The following CEP89 variants were observed in gnomAD, a reference collection of about 807,000 sequenced individuals.
CEP89 encodes the protein centrosomal protein 89.
Under a neutral mutation model 97.6 loss-of-function variants are expected in CEP89, and 95 were observed. That is an observed-to-expected ratio of 0.97 (90% CI 0.82 to 1.15). CEP89 has a LOEUF of 1.15. Among genes scored for constraint, CEP89 ranks in the 50% most tolerant of loss-of-function variants. The pLI is 0.00. For synonymous variants in CEP89, 354 were observed against 349.1 expected (o/e 1.01, Z -0.16); for missense variants, 869 against 947.7 (o/e 0.92, Z 1.09).
At position 32,936,272 on chromosome 19, in the gene CEP89, C is replaced by T. The variant is rs1448482110; in HGVS notation, c.667+1359G>A. Among the ~76,000 whole-genome samples, 3 of 152,150 alleles carry T rather than the reference C, an allele frequency of 2.0e-5. No homozygotes were observed. The highest frequency in any genetic ancestry group is 6.5e-5 in the Admixed American group (1 of 15,278). On this transcript the variant is annotated intron_variant, in intron 7 of 18. Coordinates refer to ENST00000305768, the MANE Select transcript of CEP89 (RefSeq NM_032816.5). The surrounding 1 kb of genome is among the most constrained non-coding windows in gnomAD (Gnocchi z 4.5). ...ACTCAGGGCAGTACTGACACGACAG[C>T]GCCCTGCCGCCTCAGCCCCCTCCAG...
chr19:32,900,039 G>A, intron 15 of CEP89, 41 bp from the exon 16 acceptor site: 1 of 1,593,266 alleles, frequency 6.3e-7, no homozygotes, highest in Non-Finnish European at 8.6e-7. Context: ...AAGCCCATTA[G>A]TTTACATGGC....
intron 14 of CEP89, among the ~76,000 whole-genome samples, chr19:32,906,050 G>C (rs1378477761): frequency 6.6e-6 from 1 of 152,194 alleles, no homozygotes; most frequent in Non-Finnish European, 1.5e-5. Context: ...TACTTGAGTA[G>C]TACTGCTTTT....
chr19:32,933,457 G>A lies in CEP89; in HGVS notation c.880C>T (p.Gln294Ter), dbSNP rs1426694418. Reference sequence around the variant, plus strand: ...GCACTCTGTCTGTCCCCACCTTCCTGTGACGACGCCTTCTCAGCCTCTTTG... The same window carrying A: ...GCACTCTGTCTGTCCCCACCTTCCTATGACGACGCCTTCTCAGCCTCTTTG... The part of the protein sequence containing the change: ...KLKEAEKASS[Q>*]EVAAPELLYL... Residue 294 changes from glutamine to a stop codon, truncating the protein, a stop_gained, in exon 8 of 19, where the codon CAG becomes TAG. Transcript: ENST00000305768. LOFTEE classifies it high-confidence loss of function. 7 of 1,612,922 alleles carry A rather than the reference G, an allele frequency of 4.3e-6. No individual in the cohort carries two copies. The highest frequency in any genetic ancestry group is 5.1e-6 in the Non-Finnish European group (6 of 1,179,472).
intron 10 of CEP89, 70 bp from the exon 11 acceptor site, chr19:32,926,343 G>A (rs1482479360): frequency 9.3e-7 from 1 of 1,075,746 alleles, no homozygotes; most frequent in Non-Finnish European, 1.4e-6. Context: ...ATTTTTAAAT[G>A]GCAAGAAGTT....
In CEP89 at chr19:32,947,266, A is replaced by ATTCACCC. The variant is rs1970815704; in HGVS notation, c.595+999_595+1000insGGGTGAA. ...GCTGAATTCTCTCATTGGGATAATC[A>ATTCACCC]AATAGATATATGTCCACGTACTCAT... is the stretch of plus-strand genomic sequence containing the variant. On this transcript the variant is annotated intron_variant, in intron 5 of 18. Transcript: ENST00000305768. Among the ~76,000 whole-genome samples the ATTCACCC allele has an allele frequency of 3.3e-5, 5 of 152,286 alleles. No individual in the cohort carries two copies. In the South Asian group the frequency reaches 1.0e-3, roughly 32 times the overall value.
rs200622515 is a variant in CEP89, at chr19:32,921,463, TG to T, written c.1268+1975del. Among the ~76,000 whole-genome samples, 1,508 of 152,338 alleles carry T rather than the reference TG, an allele frequency of 9.9e-3. 48 individuals carry two copies. The highest frequency in any genetic ancestry group is 6.7e-3 in the Non-Finnish European group (459 of 68,028). ...AGCAAGCCTGACACTCTCCCCATGC[TG>T]GCGTGGGCCATCACACTGGAGCAAA... On this transcript the variant is annotated intron_variant, in intron 12 of 18. Transcript: ENST00000305768.
chr19:32,897,563 G>A (rs1969669431), intron 16 of CEP89, among the ~76,000 whole-genome samples: 1 of 152,064 alleles, frequency 6.6e-6, no homozygotes, highest in Non-Finnish European at 1.5e-5. Flanking sequence ...CATTTAGAGG[G>A]TCCTGAAATT....
intron 18 of CEP89, among the ~76,000 whole-genome samples, chr19:32,881,370 C>A (rs189747347): frequency 2.0e-5 from 3 of 151,542 alleles, no homozygotes; most frequent in African/African-American, 7.3e-5. Flanking sequence ...TTAATAAAAT[C>A]TCTCAAGAAA....
At chr19:32,881,478 C>T (rs1045352535) in intron 18 of CEP89, among the ~76,000 whole-genome samples, 6 of 149,946 alleles carry the variant, frequency 4.0e-5, no homozygotes, top group African/African-American at 1.2e-4. Flanking sequence ...TGCAGTGAGC[C>T]GAGATCGTGC....
chr19:32,899,131 A>ATTCCC (rs1555788863), intron 16 of CEP89, among the ~76,000 whole-genome samples: 2 of 143,214 alleles, frequency 1.4e-5, no homozygotes, highest in African/African-American at 5.2e-5. Flanking sequence ...TTTAATTAGC[A>ATTCCC]TTTTTTTTTT....
chr19:32,910,549 TTTTAC>T (rs1969979632), intron 14 of CEP89, among the ~76,000 whole-genome samples: 1 of 152,218 alleles, frequency 6.6e-6, no homozygotes, highest in African/African-American at 2.4e-5. Context: ...TACTGTAACT[TTTTAC>T]TTTATAAACT....
intron 1 of CEP89, among the ~76,000 whole-genome samples, chr19:32,966,950 C>T (rs925457765): frequency 6.6e-6 from 1 of 152,140 alleles, no homozygotes; most frequent in Non-Finnish European, 1.5e-5. Context: ...TTCAGCCACA[C>T]GAGTAGACGG....
rs1969175951 is a variant in CEP89, at chr19:32,875,993, G to A, written c.*3169C>T. ...TGTTGTCACTGTTTTCCAGCATACA[G>A]TTCAGTGGCGTTAAGGGCATTCAGG... On this transcript the variant is annotated 3_prime_UTR_variant, in exon 19 of 19. Coordinates refer to ENST00000305768, the MANE Select transcript of CEP89 (RefSeq NM_032816.5). The A allele has an allele frequency of 6.6e-6, 1 of 152,214 alleles. No individual in the cohort carries two copies. Among genetic ancestry groups the A allele is most frequent in the South Asian group, 2.1e-4 (1 of 4,834 alleles). The allele number at this position is 152,214 out of a possible 1,614,324, so 9.4% of individuals were successfully genotyped here.
intron 10 of CEP89, 111 bp from the exon 11 acceptor site, chr19:32,926,384 A>G (rs1599746862): frequency 1.3e-6 from 1 of 790,818 alleles, no homozygotes; most frequent in East Asian, 2.5e-5. Context: ...CTTTGGTTGC[A>G]GTTGTTATTG....
chr19:32,948,165 C>T (rs1970834808), intron 5 of CEP89, 101 bp downstream of exon 5: 1 of 605,300 alleles, frequency 1.7e-6, no homozygotes. Context: ...CACAGAGCTA[C>T]AGCATGAAGG....
At chr19:32,916,691 CTG>C (rs1970133434) in intron 13 of CEP89, among the ~76,000 whole-genome samples, 1 of 152,176 alleles carries the variant, frequency 6.6e-6, no homozygotes, top group East Asian at 1.9e-4. Context: ...TAGCATAAAA[CTG>C]TACATCTCTC....
chr19:32,959,979 G>C lies in CEP89; in HGVS notation c.226C>G (p.Arg76Gly). ...VAIPQPRQRS[R>G]SESDVSSVEQ... ...ACACTGCTCACATCACTCTCAGACC[G>C]GGACCTCTGGCGAGGCTGAGGAATA... The change falls in exon 3 of 19, where the codon CGG (arginine) becomes GGG (glycine). Residue 76 changes from arginine (R) to glycine (G), a missense_variant. Physicochemically the swap from Arg to Gly is moderately radical, Grantham distance 125. Transcript: ENST00000305768. 6.2e-7 allele frequency: 1 copy of C among 1,614,152 alleles called. No homozygotes were observed. Among genetic ancestry groups the C allele is most frequent in the Non-Finnish European group, 8.5e-7 (1 of 1,180,030 alleles).
At chr19:32,948,455 T>G in intron 4 of CEP89, 87 bp from the exon 5 acceptor site, 3 of 733,668 alleles carry the variant, frequency 4.1e-6, no homozygotes, top group Non-Finnish European at 6.6e-6. Context: ...TCCAACATCT[T>G]TCAAACCTTC....
At chr19:32,916,151 G>A (rs1013767054) in intron 13 of CEP89, among the ~76,000 whole-genome samples, 6 of 151,674 alleles carry the variant, frequency 4.0e-5, no homozygotes, top group South Asian at 2.1e-4. Flanking sequence ...GGTGACATGC[G>A]TCTGTGGTCC....
Sources: allele counts gnomAD v4.1 joint callset (sites outside exome capture counted in the v4.1 genomes callset), GRCh38; gene constraint gnomAD v4.1.1; non-coding constraint Gnocchi (gnomAD v3.1); transcripts MANE v1.5; gene names NCBI Gene and HGNC (gene_info 2026-07-23, HGNC 2026-07-21).